Variants in DSCAM observed in about 807,000 individuals in gnomAD.
The protein encoded by DSCAM is DS cell adhesion molecule.
In DSCAM, 47 loss-of-function variants were observed where a neutral mutation model predicts 217.7. The ratio of observed to expected loss-of-function variants is 0.22; its 90% CI spans 0.17 to 0.28. The LOEUF (loss-of-function observed/expected upper bound fraction) is 0.28, where lower values mean the gene tolerates loss of function less well. DSCAM is among the 10% of genes least tolerant of loss of function. The pLI is 1.00. For missense variants in DSCAM, 2,080 were observed against 2,618.3 expected (o/e 0.79, Z 4.49); for synonymous variants, 1,056 against 1,015.3 (o/e 1.04, Z -0.76).
In DSCAM at chr21:40,042,437, A is replaced by T. The variant is rs1271126124; in HGVS notation, c.5620T>A (p.Ser1874Thr). The T allele has an allele frequency of 6.2e-7, 1 of 1,614,126 alleles. No individual in the cohort carries two copies. The highest frequency in any genetic ancestry group is 2.2e-5 in the East Asian group (1 of 44,860). The change falls in exon 32 of 33, where the codon TCT becomes ACT. Residue 1874 changes from serine (S) to threonine (T), a missense_variant. This residue lies in a region of DSCAM where 1,144 missense variants were observed against 1,421.1 expected (regional missense o/e 0.81). Coordinates refer to ENST00000400454, the MANE Select transcript of DSCAM (RefSeq NM_001389.5). ...SESGICRFTA[S>T]PPKPQDGGRV... ...CCTCCATCCTGAGGTTTGGGGGGAG[A>T]TGCAGTGAACCTGCAGATTCCCGAT...
intron 3 of DSCAM, among the ~76,000 whole-genome samples, chr21:40,564,978 G>A (rs1286535389): frequency 6.6e-6 from 1 of 152,198 alleles, no homozygotes; most frequent in Non-Finnish European, 1.5e-5. Flanking sequence ...GGCAGAGGTG[G>A]AGGGGAGGAT....
intron 1 of DSCAM, among the ~76,000 whole-genome samples, chr21:40,844,531 T>A (rs1197464085): frequency 6.6e-6 from 1 of 152,246 alleles, no homozygotes; most frequent in African/African-American, 2.4e-5. Context: ...ATTACAATAA[T>A]GGTGATTATC....
chr21:40,116,557 G>A (rs148609636), intron 20 of DSCAM, among the ~76,000 whole-genome samples: 4 of 152,156 alleles, frequency 2.6e-5, no homozygotes, highest in East Asian at 1.9e-4. Flanking sequence ...AACATAGAGA[G>A]CCTAGCATCT....
intron 32 of DSCAM, among the ~76,000 whole-genome samples, chr21:40,032,760 A>T (rs1405595878): frequency 6.6e-6 from 1 of 152,100 alleles, no homozygotes; most frequent in Non-Finnish European, 1.5e-5. Flanking sequence ...AATTGCTGGA[A>T]CTCAAGGAAA....
rs765500391 is a variant in DSCAM at position 40,013,194 on chromosome 21, CCTT to C, written c.5876_5878del (p.Glu1959del). On this transcript the variant is annotated inframe_deletion, in exon 33 of 33. Transcript: ENST00000400454. ...CACGGCCCCCGGCTGCCACGACTGT[CCTT>C]CTCTCGTGGAGGAGGCGGAGGAGGC... The C allele has an allele frequency of 7.4e-6, 12 of 1,613,712 alleles. No individual in the cohort carries two copies. In the East Asian group the frequency reaches 8.9e-5, roughly 12 times the overall value.
At chr21:40,455,451 A>G (rs1425772314) in intron 3 of DSCAM, among the ~76,000 whole-genome samples, 1 of 152,210 alleles carries the variant, frequency 6.6e-6, no homozygotes, top group African/African-American at 2.4e-5. Context: ...GACACTGTCC[A>G]GAAGAGGAAG....
intron 3 of DSCAM, among the ~76,000 whole-genome samples, chr21:40,563,598 TTA>T (rs964712172): frequency 2.1e-4 from 11 of 51,838 alleles, no homozygotes; most frequent in South Asian, 1.1e-3. Flanking sequence ...TGTTTATATG[TTA>T]TATATATGTT....
chr21:40,371,393 A>G (rs1211750891), intron 3 of DSCAM, among the ~76,000 whole-genome samples: 1 of 150,966 alleles, frequency 6.6e-6, no homozygotes, highest in Non-Finnish European at 1.5e-5. Context: ...GTTCCTTTAA[A>G]GTACAGTTTG....
intron 3 of DSCAM, among the ~76,000 whole-genome samples, chr21:40,660,202 T>G (rs909236450): frequency 1.3e-5 from 2 of 152,274 alleles, no homozygotes; most frequent in East Asian, 1.9e-4. Context: ...GCCACAGATA[T>G]GCTTAACTTG....
At chr21:40,723,894 A>C (rs911668021) in intron 1 of DSCAM, among the ~76,000 whole-genome samples, 1 of 152,230 alleles carries the variant, frequency 6.6e-6, no homozygotes, top group African/African-American at 2.4e-5. Context: ...ACAAGAAGGA[A>C]AAAGCCTGAT....
At chr21:40,499,992 G>A (rs957258317) in intron 3 of DSCAM, among the ~76,000 whole-genome samples, 1 of 152,074 alleles carries the variant, frequency 6.6e-6, no homozygotes, top group African/African-American at 2.4e-5. Flanking sequence ...TGTTGGCTAG[G>A]ATGGTCTCGA....
At chr21:40,263,174 A>G (rs975261285) in intron 11 of DSCAM, among the ~76,000 whole-genome samples, 1 of 152,204 alleles carries the variant, frequency 6.6e-6, no homozygotes, top group East Asian at 1.9e-4. Context: ...AACTAAAGAC[A>G]ATAAAGAGAA....
chr21:40,046,538 C>T (rs2088843626), intron 30 of DSCAM, among the ~76,000 whole-genome samples: 1 of 152,136 alleles, frequency 6.6e-6, no homozygotes, highest in South Asian at 2.1e-4. Flanking sequence ...CTCAAAAAGA[C>T]AGAAAAACAT....
At chr21:40,823,468 AT>A (rs1385692860) in intron 1 of DSCAM, among the ~76,000 whole-genome samples, 1 of 152,156 alleles carries the variant, frequency 6.6e-6, no homozygotes, top group Non-Finnish European at 1.5e-5. Context: ...TAAACTTAAA[AT>A]TTTTCAGGAT....
At chr21:40,682,540 A>C (rs2146425756) in intron 3 of DSCAM, among the ~76,000 whole-genome samples, 1 of 150,202 alleles carries the variant, frequency 6.7e-6, no homozygotes, top group African/African-American at 2.5e-5. Flanking sequence ...AGAAAAAAGA[A>C]AGAAAGAAAG....
chr21:40,264,150 C>T (rs527737167), intron 11 of DSCAM, among the ~76,000 whole-genome samples: 1 of 152,252 alleles, frequency 6.6e-6, no homozygotes, highest in Non-Finnish European at 1.5e-5. Context: ...ACCAATCCTT[C>T]TGAAATTATT....
At chr21:40,238,776 G>A (rs1449859922) in intron 11 of DSCAM, among the ~76,000 whole-genome samples, 2 of 152,126 alleles carry the variant, frequency 1.3e-5, no homozygotes, top group Admixed American at 6.6e-5. Context: ...AGCTCCCAGA[G>A]GTGACAGTGC....
intron 32 of DSCAM, among the ~76,000 whole-genome samples, chr21:40,019,281 G>A (rs1391937264): frequency 6.6e-6 from 1 of 152,198 alleles, no homozygotes; most frequent in Non-Finnish European, 1.5e-5. Context: ...ATTCCCCAGT[G>A]CCCTGCCTGC....
rs773481044 is a variant in DSCAM at position 40,012,985 on chromosome 21, T to A, written c.*49A>T. ...TTCCGTAAAAAAAAGGTAGCTTTGATTGAATTGTTTGAATTGTATTTACAA... is the reference window on the plus strand; with the variant it reads ...TTCCGTAAAAAAAAGGTAGCTTTGAATGAATTGTTTGAATTGTATTTACAA... On this transcript the variant is annotated 3_prime_UTR_variant, in exon 33 of 33. Transcript: ENST00000400454. 5.5e-6 allele frequency: 7 copies of A among 1,268,880 alleles called. No homozygotes were observed. The African/African-American group carries it at 7.6e-5, about 14-fold the overall frequency. The allele number at this position is 1,268,880 out of a possible 1,614,324, so 78.6% of individuals were successfully genotyped here. A position where few individuals can be genotyped will look rare whatever the true frequency, so the allele number is the denominator to read the frequency against.
Sources: gnomAD v4.1 joint callset for allele counts (sites outside exome capture counted in the v4.1 genomes callset) on GRCh38, gnomAD v4.1.1 for gene constraint, gnomAD v4.1.1 regional missense constraint, MANE v1.5 for transcripts, NCBI Gene and HGNC (gene_info 2026-07-23, HGNC 2026-07-21) for gene names.